The following KALRN variants were observed in gnomAD, a reference collection of about 807,000 sequenced individuals.
KALRN encodes kalirin.
KALRN carries 70 observed loss-of-function variants against 353.7 expected under a neutral mutation model. That is an observed-to-expected ratio of 0.20 (90% CI 0.16 to 0.24). The LOEUF is 0.24. Among genes scored for constraint, KALRN ranks in the 10% least tolerant of loss-of-function variants. The probability of loss-of-function intolerance (pLI) is 1.00; values close to 1 mark genes in which losing one functional copy is unlikely to be tolerated. For synonymous variants in KALRN, 1,391 were observed against 1,434.8 expected, an observed-to-expected ratio of 0.97 and a Z score of 0.69; for missense variants, 2,791 against 3,756.7, an observed-to-expected ratio of 0.74 and a Z score of 6.72.
intron 1 of KALRN, among the ~76,000 whole-genome samples, chr3:124,091,264 G>A (rs1017714853): frequency 8.5e-5 from 13 of 152,220 alleles, no homozygotes; most frequent in African/African-American, 3.1e-4. Context: ...AGATCAGTAT[G>A]TCTGTGGACG....
At chr3:124,105,965 C>T (rs142384672) in intron 1 of KALRN, among the ~76,000 whole-genome samples, 75 of 152,218 alleles carry the variant, frequency 4.9e-4, no homozygotes, top group Middle Eastern at 3.4e-3. Context: ...GACAGTATTC[C>T]AGGGACAGTG....
intron 1 of KALRN, among the ~76,000 whole-genome samples, chr3:124,128,647 G>A (rs1450302729): frequency 6.6e-6 from 1 of 152,110 alleles, no homozygotes; most frequent in East Asian, 1.9e-4. Context: ...TTTTCTGATG[G>A]AATAAGACTA....
intron 6 of KALRN, among the ~76,000 whole-genome samples, chr3:124,299,131 A>G (rs1344689431): frequency 6.6e-6 from 1 of 152,204 alleles, no homozygotes; most frequent in East Asian, 1.9e-4. Context: ...ACACAGTGAA[A>G]GAATGTGTCC....
At chr3:124,210,911 A>T (rs73860337) in intron 1 of KALRN, among the ~76,000 whole-genome samples, 1,763 of 152,162 alleles carry the variant, frequency 0.012, 32 homozygotes, top group African/African-American at 0.039. Context: ...GAAGGGAATA[A>T]TTTTTTTTCC....
intron 1 of KALRN, among the ~76,000 whole-genome samples, chr3:124,177,774 C>T (rs2072994631): frequency 6.6e-6 from 1 of 152,124 alleles, no homozygotes; most frequent in African/African-American, 2.4e-5. Flanking sequence ...ATGGTTCCTA[C>T]CATGCTAAAG....
chr3:124,423,134 A>C (rs1461984556), intron 15 of KALRN, among the ~76,000 whole-genome samples, 156 bp downstream of exon 15: 1 of 152,248 alleles, frequency 6.6e-6, no homozygotes, highest in Non-Finnish European at 1.5e-5. Flanking sequence ...TACTTGTATT[A>C]GTTTCTGAAA....
At chr3:124,476,462 G>A (rs188150002) in intron 26 of KALRN, among the ~76,000 whole-genome samples, 2 of 152,002 alleles carry the variant, frequency 1.3e-5, no homozygotes, top group African/African-American at 4.8e-5. Context: ...AATGAAACCT[G>A]CTGTAATAAA....
intron 10 of KALRN, among the ~76,000 whole-genome samples, chr3:124,354,528 A>G (rs2083177518): frequency 6.6e-6 from 1 of 152,248 alleles, no homozygotes; most frequent in South Asian, 2.1e-4. Context: ...TGAAGCCAAA[A>G]TCAGATATAT....
intron 4 of KALRN, among the ~76,000 whole-genome samples, chr3:124,265,638 G>T (rs1007766650): frequency 1.3e-5 from 2 of 151,884 alleles, no homozygotes; most frequent in African/African-American, 4.8e-5. Flanking sequence ...CAAACAAGAA[G>T]GTAAAAAGCC....
At chr3:124,349,340 T>G (rs1209482416) in intron 10 of KALRN, among the ~76,000 whole-genome samples, 1 of 152,212 alleles carries the variant, frequency 6.6e-6, no homozygotes, top group East Asian at 1.9e-4. Flanking sequence ...GGGGAGCTAT[T>G]GTTTAATGCA....
chr3:124,243,101 A>T (rs189159748), intron 3 of KALRN, among the ~76,000 whole-genome samples: 10 of 152,154 alleles, frequency 6.6e-5, no homozygotes, highest in African/African-American at 2.2e-4. Context: ...TGTTTCCTTC[A>T]CCCACCTGCC....
At chr3:124,367,646 G>GCC (rs1560699151) in intron 10 of KALRN, among the ~76,000 whole-genome samples, 1 of 14,016 alleles carries the variant, frequency 7.1e-5, no homozygotes, top group Non-Finnish European at 1.4e-4. Context: ...GGGGCTGACC[G>GCC]CCCCCACCTC....
intron 1 of KALRN, among the ~76,000 whole-genome samples, chr3:124,086,309 T>TTGTGTG (rs59443298): frequency 0.028 from 3,960 of 141,770 alleles, 58 homozygotes; most frequent in Non-Finnish European, 0.03. Context: ...GGTTGTTTTG[T>TTGTGTG]TGTGTGTGTG....
At chr3:124,280,219 T>G (rs567092382) in intron 5 of KALRN, among the ~76,000 whole-genome samples, 114 of 152,286 alleles carry the variant, frequency 7.5e-4, no homozygotes, top group African/African-American at 2.6e-3. Context: ...TCCAGATTCT[T>G]CTGAGCATTT....
chr3:124,572,080 TG>T (rs2073575709), intron 34 of KALRN, among the ~76,000 whole-genome samples: 1 of 151,462 alleles, frequency 6.6e-6, no homozygotes, highest in Admixed American at 6.6e-5. Flanking sequence ...CCCAGCACTT[TG>T]GGAGGCCAAG....
At position 124,041,750 on chromosome 3, in the gene KALRN, C is replaced by T. The variant is rs140071966; in HGVS notation, c.73+7937C>T. 7.9e-5 allele frequency among the ~76,000 whole-genome samples: 12 copies of T among 152,292 alleles called. No individual in the cohort carries two copies. The East Asian group carries it at 2.1e-3, about 27-fold the overall frequency. ...AAAGTTCAGAGTCCTCCTGCCACTC[C>T]TTTGTGTATGAATGACTGGCAGCGA... On this transcript the variant is annotated intron_variant, in intron 1 of 59. Transcript: ENST00000682506.
chr3:124,632,971 T>G (rs530422408), intron 35 of KALRN, among the ~76,000 whole-genome samples: 2 of 152,336 alleles, frequency 1.3e-5, no homozygotes, highest in South Asian at 4.1e-4. Flanking sequence ...ATTTGGTCAT[T>G]AGTTCCCTAC....
At chr3:124,109,262 C>G (rs1559970802) in intron 1 of KALRN, among the ~76,000 whole-genome samples, 1 of 151,868 alleles carries the variant, frequency 6.6e-6, no homozygotes, top group African/African-American at 2.4e-5. Context: ...GTTGTATAGT[C>G]TATATTTCTT....
At chr3:124,275,972 G>A (rs112598303) in intron 5 of KALRN, among the ~76,000 whole-genome samples, 175 of 152,268 alleles carry the variant, frequency 1.1e-3, no homozygotes, top group African/African-American at 4.1e-3. Flanking sequence ...CCTTGAAGCA[G>A]CCCCAGAGAA....
Sources: allele counts gnomAD v4.1 joint callset (sites outside exome capture counted in the v4.1 genomes callset), GRCh38; gene constraint gnomAD v4.1.1; transcripts MANE v1.5; gene names NCBI Gene and HGNC (gene_info 2026-07-23, HGNC 2026-07-21).